The following TASP1 variants were observed in gnomAD, a reference collection of about 807,000 sequenced individuals.
The protein encoded by TASP1 is taspase 1.
A neutral mutation model predicts 56.6 loss-of-function variants in TASP1; 16 were observed. The observed-to-expected ratio is 0.28, with a 90% CI of 0.19 to 0.43. The LOEUF (loss-of-function observed/expected upper bound fraction) is 0.43, where lower values mean the gene tolerates loss of function less well. Ranked by LOEUF, TASP1 falls within the 20% of genes least tolerant of loss-of-function variation. The pLI is 1.00. For synonymous variants in TASP1, 179 were observed against 184.2 expected (o/e 0.97, Z 0.23); for missense variants, 393 against 511.6 (o/e 0.77, Z 2.24).
intron 8 of TASP1, among the ~76,000 whole-genome samples, chr20:13,552,363 T>C (rs919406551): frequency 6.6e-6 from 1 of 152,078 alleles, no homozygotes; most frequent in African/African-American, 2.4e-5. Flanking sequence ...AGTGATGAAT[T>C]TACAGAAGAA....
At chr20:13,191,988 T>G in the TASP1 span, among the ~76,000 whole-genome samples, 2 of 152,222 alleles carry the variant, frequency 1.3e-5, no homozygotes, top group Admixed American at 1.3e-4. Flanking sequence ...AAGTTTCTGT[T>G]CTTTGTCAAT....
At chr20:13,196,499 G>A in the TASP1 span, among the ~76,000 whole-genome samples, 1 of 152,068 alleles carries the variant, frequency 6.6e-6, no homozygotes, top group African/African-American at 2.4e-5. Context: ...CATTATTTGG[G>A]TAGTAGAAAG....
the TASP1 span, among the ~76,000 whole-genome samples, chr20:13,112,418 G>A: frequency 6.7e-4 from 102 of 152,300 alleles, no homozygotes; most frequent in Non-Finnish European, 9.8e-4. Flanking sequence ...AAAGGCTGCC[G>A]GCACTGAGAC....
At chr20:13,516,175 C>A (rs1323210943) in intron 10 of TASP1, among the ~76,000 whole-genome samples, 1 of 152,090 alleles carries the variant, frequency 6.6e-6, no homozygotes, top group African/African-American at 2.4e-5. Flanking sequence ...ATAAAAGGCA[C>A]TAGTTGTATT....
the TASP1 span, among the ~76,000 whole-genome samples, chr20:13,358,342 G>A: frequency 0.041 from 6,295 of 152,276 alleles, 413 homozygotes; most frequent in African/African-American, 0.14. Flanking sequence ...ATTTGGTGCC[G>A]TGACTTGGAT....
the TASP1 span, among the ~76,000 whole-genome samples, chr20:13,235,008 A>C: frequency 6.6e-6 from 1 of 152,220 alleles, no homozygotes; most frequent in Non-Finnish European, 1.5e-5. Flanking sequence ...TGCAAGTTGC[A>C]GGTCCCAGAA....
At chr20:13,231,920 A>G in the TASP1 span, among the ~76,000 whole-genome samples, 1 of 152,214 alleles carries the variant, frequency 6.6e-6, no homozygotes, top group East Asian at 1.9e-4. Flanking sequence ...TCTGGACACC[A>G]CTTATCTATT....
At chr20:13,264,506 G>C in the TASP1 span, among the ~76,000 whole-genome samples, 1 of 152,142 alleles carries the variant, frequency 6.6e-6, no homozygotes, top group Non-Finnish European at 1.5e-5. Flanking sequence ...CTATTGTAGT[G>C]CTCATCCTAA....
At position 13,463,887 on chromosome 20, in the gene TASP1, G is replaced by A. The variant is rs149339465; in HGVS notation, c.985+19340C>T. ...GTATTGGTGAGGATGTAAAGAAATGGGAAGGCACTGTTGGGAATATAAAAT... is the reference window on the plus strand; with the variant it reads ...GTATTGGTGAGGATGTAAAGAAATGAGAAGGCACTGTTGGGAATATAAAAT... On this transcript the variant is annotated intron_variant, in intron 11 of 13. Coordinates refer to ENST00000337743, the MANE Select transcript of TASP1 (RefSeq NM_017714.3). 4.5e-3 allele frequency among the ~76,000 whole-genome samples: 687 copies of A among 152,158 alleles called. 4 individuals carry two copies. Among genetic ancestry groups the A allele is most frequent in the African/African-American group, 0.015 (615 of 41,520 alleles).
At chr20:13,204,552 T>TATATATATATATA in the TASP1 span, among the ~76,000 whole-genome samples, 1 of 151,378 alleles carries the variant, frequency 6.6e-6, no homozygotes, top group African/African-American at 2.4e-5. Context: ...TATATGTATA[T>TATATATATATATA]TTTTTGAGAC....
chr20:13,313,701 C>G, the TASP1 span, among the ~76,000 whole-genome samples: 1 of 152,124 alleles, frequency 6.6e-6, no homozygotes, highest in Non-Finnish European at 1.5e-5. Context: ...CTCCTTTTAC[C>G]AATATATCAT....
At chr20:13,179,408 T>TGTGCGC in the TASP1 span, among the ~76,000 whole-genome samples, 1 of 145,094 alleles carries the variant, frequency 6.9e-6, no homozygotes, top group Non-Finnish European at 1.5e-5. Flanking sequence ...ATTATGTGCG[T>TGTGCGC]GTGTGTGTGT....
intron 13 of TASP1, among the ~76,000 whole-genome samples, chr20:13,413,051 C>A (rs1415303384): frequency 6.6e-6 from 1 of 152,096 alleles, no homozygotes; most frequent in African/African-American, 2.4e-5. Context: ...GAGGGCAACC[C>A]AGGCTCCAAC....
intron 13 of TASP1, among the ~76,000 whole-genome samples, chr20:13,398,646 C>G (rs908309900): frequency 3.3e-5 from 5 of 152,174 alleles, no homozygotes; most frequent in Admixed American, 2.0e-4. Context: ...ACCTCACTTT[C>G]CTTTGCTGAT....
chr20:13,111,896 C>A, the TASP1 span, among the ~76,000 whole-genome samples: 4 of 152,206 alleles, frequency 2.6e-5, no homozygotes, highest in Non-Finnish European at 5.9e-5. Context: ...TTCCCATCAG[C>A]TACACAGAGA....
chr20:13,237,610 CT>C, the TASP1 span, among the ~76,000 whole-genome samples: 1 of 152,142 alleles, frequency 6.6e-6, no homozygotes, highest in Non-Finnish European at 1.5e-5. Flanking sequence ...AATGTTTTGC[CT>C]CTTGATCTAG....
chr20:13,115,865 A>T, the TASP1 span, among the ~76,000 whole-genome samples: 1 of 152,184 alleles, frequency 6.6e-6, no homozygotes, highest in African/African-American at 2.4e-5. Context: ...TTTGTATTGC[A>T]TATGAGGAAA....
chr20:13,222,634 G>T, the TASP1 span, among the ~76,000 whole-genome samples: 5 of 152,162 alleles, frequency 3.3e-5, no homozygotes, highest in African/African-American at 1.2e-4. Context: ...GTTGAAGGTC[G>T]CTTTAGCAAT....
the TASP1 span, among the ~76,000 whole-genome samples, chr20:13,194,443 A>AGT: frequency 6.6e-6 from 1 of 152,074 alleles, no homozygotes; most frequent in African/African-American, 2.4e-5. Flanking sequence ...TCAATTGCAA[A>AGT]TGGTTGAATA....
Sources: allele counts gnomAD v4.1 joint callset (sites outside exome capture counted in the v4.1 genomes callset), GRCh38; gene constraint gnomAD v4.1.1; transcripts MANE v1.5; gene names NCBI Gene and HGNC (gene_info 2026-07-23, HGNC 2026-07-21).